PADI4: variants seen among roughly 807,000 people sequenced by gnomAD.
PADI4 encodes peptidyl arginine deiminase 4, also known as protein-arginine deiminase type-4.
A neutral mutation model predicts 75.0 loss-of-function variants in PADI4; 62 were observed. That is an observed-to-expected ratio of 0.83 (90% CI 0.67 to 1.02). PADI4 has a LOEUF of 1.02. PADI4 is among the 50% of genes least tolerant of loss of function. The pLI, the probability that PADI4 is intolerant of heterozygous loss-of-function variation, is 0.00. For missense variants in PADI4, 845 were observed against 850.5 expected, an observed-to-expected ratio of 0.99 and a Z score of 0.08; for synonymous variants, 361 against 348.1, an observed-to-expected ratio of 1.04 and a Z score of -0.41.
At chr1:17,325,199 C>T (rs11203360) in intron 1 of PADI4, among the ~76,000 whole-genome samples, 85,014 of 151,882 alleles carry the variant, frequency 0.56, 23,974 homozygotes, top group East Asian at 0.59. Context: ...CATACCTTTA[C>T]GGCAACAAGG....
At position 17,347,982 on chromosome 1, in the gene PADI4, G is replaced by T; in HGVS notation, c.1089G>T (p.Thr363=). 1 of 1,605,522 alleles carries T rather than the reference G, an allele frequency of 6.2e-7. No individual in the cohort carries two copies. Among genetic ancestry groups the T allele is most frequent in the South Asian group, 1.1e-5 (1 of 89,952 alleles). The change falls in exon 10 of 16, where the codon ACG becomes ACT. Residue 363 remains threonine, a synonymous_variant. Transcript: ENST00000375448. ...GCTACATCCAAGCCCCACACAAAAC[G>T]CTGCCCGTGGTCTTCGACTCTCCAA... The part of the protein sequence containing the change: ...EIGYIQAPHK[T]LPVVFDSPRN...
chr1:17,325,498 C>G (rs1469390040), intron 1 of PADI4, among the ~76,000 whole-genome samples: 2 of 151,966 alleles, frequency 1.3e-5, no homozygotes, highest in South Asian at 2.1e-4. Context: ...CCTTATTAAA[C>G]TTTTGTCTTT....
chr1:17,353,979 C>A (rs1228524102), intron 10 of PADI4, among the ~76,000 whole-genome samples: 1 of 151,986 alleles, frequency 6.6e-6, no homozygotes, highest in Non-Finnish European at 1.5e-5. Flanking sequence ...GGGGCTCATG[C>A]CTGTAATCCC....
At chr1:17,359,943 CA>C (rs2074825538) in intron 15 of PADI4, among the ~76,000 whole-genome samples, 1 of 152,190 alleles carries the variant, frequency 6.6e-6, no homozygotes, top group Admixed American at 6.5e-5. Context: ...GAGCCTTCAA[CA>C]GCGGGTGCCA....
chr1:17,333,706 C>T (rs745556086), intron 2 of PADI4, among the ~76,000 whole-genome samples: 1 of 151,924 alleles, frequency 6.6e-6, no homozygotes, highest in Non-Finnish European at 1.5e-5. Flanking sequence ...ACGACCCTGC[C>T]AGGCAGAGTG....
intron 1 of PADI4, among the ~76,000 whole-genome samples, chr1:17,325,829 C>T (rs1383451390): frequency 6.6e-6 from 1 of 152,064 alleles, no homozygotes; most frequent in East Asian, 1.9e-4. Context: ...ATGCCTCAGC[C>T]TCCCCAGTAG....
intron 1 of PADI4, among the ~76,000 whole-genome samples, chr1:17,323,265 G>C (rs2074062219): frequency 6.6e-6 from 1 of 151,986 alleles, no homozygotes. Flanking sequence ...GAGAGAGGCA[G>C]AGAGAGAGAC....
rs2100733390 is a variant in PADI4, at chr1:17,339,746, A to C, written c.585A>C (p.Thr195=). The C allele has an allele frequency of 6.2e-7, 1 of 1,614,072 alleles. No individual in the cohort carries two copies. ...LSTKTPKDFF[T]NHTLVLHVAR... is the part of the protein sequence containing the mutation. ...CGAAGACCCCCAAGGACTTCTTCAC[A>C]AACCATACACTGGTGCTCCACGTGG... The change falls in exon 6 of 16, where the codon ACA becomes ACC. Residue 195 remains threonine, a synonymous_variant. Coordinates refer to ENST00000375448, the MANE Select transcript of PADI4 (RefSeq NM_012387.3).
At chr1:17,352,018 CGG>C (rs2074651298) in intron 10 of PADI4, among the ~76,000 whole-genome samples, 2 of 10,088 alleles carry the variant, frequency 2.0e-4, no homozygotes, top group African/African-American at 6.6e-4. Flanking sequence ...GGAGGAGAGG[CGG>C]CCAGGGAGGT....
At chr1:17,362,351 C>CAAA (rs34897407) in intron 15 of PADI4, among the ~76,000 whole-genome samples, 43 of 107,328 alleles carry the variant, frequency 4.0e-4, no homozygotes, top group African/African-American at 1.5e-3. Context: ...GACCCTGTCT[C>CAAA]AAAAAAAAAA....
At chr1:17,354,390 T>G in intron 10 of PADI4, 143 bp from the exon 11 acceptor site, 1 of 728,838 alleles carries the variant, frequency 1.4e-6, no homozygotes. Context: ...CTTCCACATG[T>G]GATAACAGCA....
In PADI4 at chr1:17,339,680, C is replaced by T; in HGVS notation, c.527-8C>T. ...CCTGTGACTCAGGCAATGCCCTTCTCATCCCAGACCTGCAGGACATGTCGC... is the reference window on the plus strand; with the variant it reads ...CCTGTGACTCAGGCAATGCCCTTCTTATCCCAGACCTGCAGGACATGTCGC... On this transcript the variant is annotated splice_polypyrimidine_tract_variant and splice_region_variant and intron_variant, in intron 5 of 15. Coordinates refer to ENST00000375448, the MANE Select transcript of PADI4 (RefSeq NM_012387.3). 6.2e-7 allele frequency: 1 copy of T among 1,613,764 alleles called. No individual in the cohort carries two copies. Among genetic ancestry groups the T allele is most frequent in the Non-Finnish European group, 8.5e-7 (1 of 1,179,862 alleles).
intron 9 of PADI4, 128 bp from the exon 10 acceptor site, chr1:17,347,813 A>C (rs927443016): frequency 2.4e-5 from 12 of 500,796 alleles, no homozygotes; most frequent in African/African-American, 1.7e-4. Context: ...GAGATCAAAC[A>C]TCCCATAGGA....
intron 2 of PADI4, among the ~76,000 whole-genome samples, chr1:17,331,736 G>A (rs895594378): frequency 3.3e-5 from 5 of 152,094 alleles, no homozygotes; most frequent in Non-Finnish European, 5.9e-5. Context: ...TGGCCAACAC[G>A]GTGAAACCCC....
At chr1:17,312,725 TG>T (rs1408855474) in intron 1 of PADI4, among the ~76,000 whole-genome samples, 1 of 152,204 alleles carries the variant, frequency 6.6e-6, no homozygotes, top group Non-Finnish European at 1.5e-5. Context: ...TTCTGTCCTT[TG>T]TTCCATGCCT....
rs867500370 is a variant in PADI4, at chr1:17,346,227, G to A, written c.1047+88G>A. 12 of 747,856 alleles carry A rather than the reference G, an allele frequency of 1.6e-5. No individual in the cohort carries two copies. In the Middle Eastern group the frequency reaches 1.1e-3, roughly 69 times the overall value. 46.3% of individuals were successfully genotyped at this position (747,856 alleles called of 1,614,324 possible). On this transcript the variant is annotated intron_variant, in intron 9 of 15. Coordinates refer to ENST00000375448, the MANE Select transcript of PADI4 (RefSeq NM_012387.3). The surrounding 1 kb of genome is among the most constrained non-coding windows in gnomAD (Gnocchi z 4.3). ...CCGGGCTCCTGGGGTTCAGCCTGGTGCCTCACCGGCCACTCTTCCTTAGAT... is the reference window on the plus strand; with the variant it reads ...CCGGGCTCCTGGGGTTCAGCCTGGTACCTCACCGGCCACTCTTCCTTAGAT...
rs1238745994 is a variant in PADI4 at position 17,352,009 on chromosome 1, G to GAGGTGGT, written c.1156-2521_1156-2520insTGGTAGG. Among the ~76,000 whole-genome samples, 47 of 33,210 alleles carry GAGGTGGT rather than the reference G, an allele frequency of 1.4e-3. 6 individuals carry two copies. Among genetic ancestry groups the GAGGTGGT allele is most frequent in the South Asian group, 4.1e-3 (4 of 984 alleles). 21.8% of individuals were successfully genotyped at this position (33,210 alleles called of 152,430 possible). A position where few individuals can be genotyped will look rare whatever the true frequency, so the allele number is the denominator to read the frequency against. On this transcript the variant is annotated intron_variant, in intron 10 of 15. Coordinates refer to ENST00000375448, the MANE Select transcript of PADI4 (RefSeq NM_012387.3). ...GGAGAGGCAGTCAGGGAGGTGATGG[G>GAGGTGGT]AGGAGAGGCGGCCAGGGAGGTGATG... is the stretch of plus-strand genomic sequence containing the variant.
In PADI4 at chr1:17,338,054, G is replaced by A. The variant is rs1027245978; in HGVS notation, c.425G>A (p.Gly142Asp). The change falls in exon 5 of 16, where the codon GGC becomes GAC. Residue 142 changes from glycine (G) to aspartate (D), a missense_variant. Gly to Asp is a moderately conservative substitution (Grantham distance 94). Coordinates refer to ENST00000375448, the MANE Select transcript of PADI4 (RefSeq NM_012387.3). ...AVKDQRTWTW[G>D]PCGQGAILLV... ...GGTGTCCAGAGGACCTGGACCTGGG[G>A]CCCTTGTGGACAGGGTGCCATCCTG... 6 of 1,612,718 alleles carry A rather than the reference G, an allele frequency of 3.7e-6. No homozygotes were observed. In the African/African-American group the frequency reaches 6.7e-5, roughly 18 times the overall value.
chr1:17,337,776 G>T (rs534716024), intron 4 of PADI4, among the ~76,000 whole-genome samples: 239 of 152,164 alleles, frequency 1.6e-3, no homozygotes, highest in African/African-American at 5.3e-3. Context: ...TTAGCCAGGT[G>T]TGGTGGCATG....
Sources: allele counts gnomAD v4.1 joint callset (sites outside exome capture counted in the v4.1 genomes callset), GRCh38; gene constraint gnomAD v4.1.1; non-coding constraint Gnocchi (gnomAD v3.1); transcripts MANE v1.5; gene names NCBI Gene and HGNC (gene_info 2026-07-23, HGNC 2026-07-21).